IPO7: variants seen among roughly 807,000 people sequenced by gnomAD.
The protein encoded by IPO7 is importin 7.
In IPO7, 13 loss-of-function variants were observed where a neutral mutation model predicts 136.4. The ratio of observed to expected loss-of-function variants is 0.10; its 90% CI spans 0.06 to 0.15. The LOEUF is 0.15. IPO7 is among the 10% of genes least tolerant of loss of function. The pLI is 1.00. For synonymous variants in IPO7, 403 were observed against 404.4 expected, an observed-to-expected ratio of 1.00 and a Z score of 0.04; for missense variants, 857 against 1,240.6, an observed-to-expected ratio of 0.69 and a Z score of 4.65.
At chr11:9,402,233 CTATT>C in intron 1 of IPO7, among the ~76,000 whole-genome samples, 1 of 151,156 alleles carries the variant, frequency 6.6e-6, no homozygotes, top group Non-Finnish European at 1.5e-5. Context: ...AACCCCGTCT[CTATT>C]AAAAATACAA....
chr11:9,385,961 A>T (rs1305765641), intron 1 of IPO7, among the ~76,000 whole-genome samples: 2 of 152,198 alleles, frequency 1.3e-5, no homozygotes, highest in Non-Finnish European at 2.9e-5. Context: ...TTTAGTGTAC[A>T]TTTTTTAACT....
chr11:9,385,133 T>G (rs996959674), intron 1 of IPO7, among the ~76,000 whole-genome samples: 1 of 152,120 alleles, frequency 6.6e-6, no homozygotes, highest in African/African-American at 2.4e-5. Flanking sequence ...GTTGGACACA[T>G]GGCTGGCTCG....
chr11:9,442,235 CT>C (rs759978838), intron 24 of IPO7, 38 bp downstream of exon 24: 1 of 879,700 alleles, frequency 1.1e-6, no homozygotes, highest in Non-Finnish European at 1.9e-6. Flanking sequence ...TAATTAGTGA[CT>C]TTTATAGGTT....
intron 1 of IPO7, among the ~76,000 whole-genome samples, chr11:9,389,729 C>T (rs1211958625): frequency 6.6e-6 from 1 of 151,400 alleles, no homozygotes; most frequent in Non-Finnish European, 1.5e-5. Context: ...TTCCTAAGCT[C>T]AATATGGTAT....
chr11:9,430,903 C>T lies in IPO7; in HGVS notation c.1781C>T (p.Thr594Met), dbSNP rs778805678. ...LAMTFNQVIQ[T>M]GPDEEGSDDK... is the part of the protein sequence containing the mutation. ...ATGACATTTAACCAAGTAATCCAGA[C>T]GGGGCCAGATGAAGAAGGTAGTGAT... The change falls in exon 16 of 25, where the codon ACG becomes ATG. Residue 594 changes from threonine to methionine, a missense_variant. Thr to Met is a moderately conservative substitution (Grantham distance 81). Around this residue, in one of 11 missense-constraint regions of IPO7, gnomAD observed 58 missense variants for 122.1 expected, o/e 0.47. Transcript: ENST00000379719. 47 of 1,611,228 alleles carry T rather than the reference C, an allele frequency of 2.9e-5. No individual in the cohort carries two copies. The highest frequency in any genetic ancestry group is 3.6e-5 in the Non-Finnish European group (43 of 1,178,626).
chr11:9,441,870 G>A (rs933405386), intron 23 of IPO7, among the ~76,000 whole-genome samples: 2 of 152,118 alleles, frequency 1.3e-5, no homozygotes, highest in Non-Finnish European at 2.9e-5. Flanking sequence ...AATGATTAGA[G>A]TTTTTGGAGC....
chr11:9,384,850 A>C lies in IPO7; in HGVS notation c.84+3A>C. The C allele has an allele frequency of 6.3e-7, 1 of 1,593,308 alleles. No individual in the cohort carries two copies. The highest frequency in any genetic ancestry group is 8.5e-7 in the Non-Finnish European group (1 of 1,169,786). On this transcript the variant is annotated splice_donor_region_variant and intron_variant, in intron 1 of 24. Coordinates refer to ENST00000379719, the MANE Select transcript of IPO7 (RefSeq NM_006391.3). ...CCGCGGAGCGCCAGCTCAATGAAGT[A>C]AGGACGCCCGGCTAGCGGTGGCGGC...
chr11:9,445,311 A>C lies in IPO7; in HGVS notation c.*117A>C. 1.8e-6 allele frequency: 1 copy of C among 566,120 alleles called. No individual in the cohort carries two copies. Among genetic ancestry groups the C allele is most frequent in the Admixed American group, 2.8e-5 (1 of 35,666 alleles). The allele number at this position is 566,120 out of a possible 1,614,324, so 35.1% of individuals were successfully genotyped here. A position where few individuals can be genotyped will look rare whatever the true frequency, so the allele number is the denominator to read the frequency against. ...AAACTAATAATCAATAGATGGACAA[A>C]AGAAACAACAACCCCAGGAGATGGG... On this transcript the variant is annotated 3_prime_UTR_variant, in exon 25 of 25. Coordinates refer to ENST00000379719, the MANE Select transcript of IPO7 (RefSeq NM_006391.3).
chr11:9,437,558 G>A (rs577914173), intron 20 of IPO7, among the ~76,000 whole-genome samples, 196 bp from the exon 21 acceptor site: 3 of 152,126 alleles, frequency 2.0e-5, no homozygotes, highest in South Asian at 2.1e-4. Flanking sequence ...CCGGCCCGTC[G>A]TGAGCTTTTA....
chr11:9,426,161 T>G (rs1489445302), intron 12 of IPO7, among the ~76,000 whole-genome samples: 3 of 152,242 alleles, frequency 2.0e-5, no homozygotes, highest in Non-Finnish European at 4.4e-5. Flanking sequence ...CTGTATACAT[T>G]AGCAGTCACT....
intron 6 of IPO7, among the ~76,000 whole-genome samples, chr11:9,419,066 G>A (rs146616291): frequency 1.3e-5 from 2 of 152,048 alleles, no homozygotes; most frequent in Admixed American, 6.6e-5. Flanking sequence ...ACATTCTTAC[G>A]TGTCTTTTTG....
At chr11:9,386,826 C>T (rs368756299) in intron 1 of IPO7, among the ~76,000 whole-genome samples, 6 of 152,142 alleles carry the variant, frequency 3.9e-5, no homozygotes, top group African/African-American at 1.2e-4. Context: ...CAGTGAACAC[C>T]GCTAATCTGT....
intron 6 of IPO7, 70 bp downstream of exon 6, chr11:9,417,218 G>T (rs1421437643): frequency 1.5e-6 from 1 of 659,398 alleles, no homozygotes; most frequent in Non-Finnish European, 2.6e-6. Flanking sequence ...ACTTTAACTG[G>T]TGTTTCCTGT....
At chr11:9,419,324 C>T (rs946354951) in intron 6 of IPO7, among the ~76,000 whole-genome samples, 3 of 150,792 alleles carry the variant, frequency 2.0e-5, no homozygotes, top group East Asian at 2.0e-4. Flanking sequence ...CTGAGGCGGG[C>T]GGATCACGAG....
At chr11:9,421,910 T>C (rs1197257775) in intron 8 of IPO7, among the ~76,000 whole-genome samples, 9 of 150,890 alleles carry the variant, frequency 6.0e-5, no homozygotes, top group East Asian at 3.9e-4. Flanking sequence ...TGCCACTGCA[T>C]TCCAGCCTGG....
At chr11:9,414,651 CTG>C (rs1270022205) in intron 5 of IPO7, 1 of 90,956 alleles carries the variant, frequency 1.1e-5, no homozygotes, top group Non-Finnish European at 2.1e-5. Context: ...TTTTTTGAGA[CTG>C]TCTCGTTCTG....
intron 6 of IPO7, among the ~76,000 whole-genome samples, chr11:9,420,109 G>T (rs1322708858): frequency 6.6e-6 from 1 of 152,040 alleles, no homozygotes; most frequent in Non-Finnish European, 1.5e-5. Context: ...GGATCACGAG[G>T]TCAGGAGATG....
At chr11:9,404,801 C>T (rs1229262787) in intron 2 of IPO7, among the ~76,000 whole-genome samples, 2 of 152,060 alleles carry the variant, frequency 1.3e-5, no homozygotes, top group Non-Finnish European at 2.9e-5. Context: ...TTGCTGACCT[C>T]GTGATCTGCC....
intron 3 of IPO7, 120 bp downstream of exon 3, chr11:9,408,759 T>C: frequency 3.3e-6 from 2 of 600,728 alleles, no homozygotes; most frequent in Non-Finnish European, 5.1e-6. Flanking sequence ...GTGGCCAGGC[T>C]GGAGTGCAGT....
Sources: allele counts gnomAD v4.1 joint callset (sites outside exome capture counted in the v4.1 genomes callset), GRCh38; gene constraint gnomAD v4.1.1; regional missense constraint gnomAD v4.1.1; transcripts MANE v1.5; gene names NCBI Gene and HGNC (gene_info 2026-07-23, HGNC 2026-07-21).